Variants in SERPINB9 observed in about 807,000 individuals in gnomAD.
SERPINB9 encodes the protein serpin B9.
A neutral mutation model predicts 27.2 loss-of-function variants in SERPINB9; 20 were observed. The observed-to-expected ratio is 0.74, with a 90% CI of 0.52 to 1.07. The LOEUF (loss-of-function observed/expected upper bound fraction) is 1.07. Ranked by LOEUF, SERPINB9 falls within the 50% of genes least tolerant of loss-of-function variation. The pLI is 0.00. For synonymous variants in SERPINB9, 189 were observed against 180.0 expected, an observed-to-expected ratio of 1.05 and a Z score of -0.40; for missense variants, 476 against 460.1, an observed-to-expected ratio of 1.03 and a Z score of -0.32.
In SERPINB9 at chr6:2,890,347, T is replaced by C; in HGVS notation, c.947A>G (p.His316Arg). The change falls in exon 7 of 7, where the codon CAC (histidine) becomes CGC (arginine). Residue 316 changes from histidine (H) to arginine (R), a missense_variant. Physicochemically the swap from His to Arg is conservative, Grantham distance 29. Coordinates refer to ENST00000380698, the MANE Select transcript of SERPINB9 (RefSeq NM_004155.6). The surrounding 1 kb of genome is among the most constrained non-coding windows in gnomAD (Gnocchi z 6.2). Reference protein sequence around the residue: ...ERDLCLSKFVHKSFVEVNEEG... With the variant: ...ERDLCLSKFVRKSFVEVNEEG... ...TTCATTCACCTCCACAAAACTCTTG[T>C]GCACGAACTTGGACAGACACAGGTC... The C allele has an allele frequency of 1.2e-6, 2 of 1,614,214 alleles. No individual in the cohort carries two copies. The highest frequency in any genetic ancestry group is 8.5e-7 in the Non-Finnish European group (1 of 1,180,028).
rs80206615 is a variant in SERPINB9, at chr6:2,889,840, C to T, written c.*323G>A. 200 of 263,062 alleles carry T rather than the reference C, an allele frequency of 7.6e-4. 1 individual carries two copies. The highest frequency in any genetic ancestry group is 2.9e-3 in the East Asian group (40 of 13,948). 16.3% of individuals were successfully genotyped at this position (263,062 alleles called of 1,614,324 possible). ...GAGGCAGCGGGTTAAGGAATGTATTCGCAGTGTCAGGAAAGCACAGGGTCG... is the reference window on the plus strand; with the variant it reads ...GAGGCAGCGGGTTAAGGAATGTATTTGCAGTGTCAGGAAAGCACAGGGTCG... On this transcript the variant is annotated 3_prime_UTR_variant, in exon 7 of 7. Transcript: ENST00000380698.
chr6:2,895,556 G>C (rs1389049449), intron 3 of SERPINB9, 48 bp from the exon 4 acceptor site: 4 of 1,207,284 alleles, frequency 3.3e-6, no homozygotes, highest in Non-Finnish European at 4.8e-6. Flanking sequence ...AAATACAAAT[G>C]TCAGCAAACT....
chr6:2,902,633 C>T (rs1394483432), intron 1 of SERPINB9, among the ~76,000 whole-genome samples: 2 of 152,176 alleles, frequency 1.3e-5, no homozygotes, highest in African/African-American at 2.4e-5. Context: ...GATTTTCCTG[C>T]CTCAGCACAT....
Position 2,891,956 on chromosome 6 carries a change from C to T in SERPINB9, c.600G>A (p.Gln200=). The change falls in exon 6 of 7, where the codon CAG becomes CAA. Residue 200 remains glutamine, a synonymous_variant. Transcript: ENST00000380698. The surrounding 1 kb of genome is among the most constrained non-coding windows in gnomAD (Gnocchi z 4.0). The part of the protein sequence containing the change: ...EEQRPVQMMY[Q]EATFKLAHVG... ...CGTGGGCGAGCTTAAACGTGGCCTC[C>T]TGATACATCATCTGCACTGGCCTTT... The T allele has an allele frequency of 6.2e-7, 1 of 1,613,700 alleles. No homozygotes were observed. Among genetic ancestry groups the T allele is most frequent in the Non-Finnish European group, 8.5e-7 (1 of 1,179,938 alleles).
Position 2,891,860 on chromosome 6 carries a change from C to T in SERPINB9, c.696G>A (p.Leu232=). The change falls in exon 6 of 7, where the codon CTG becomes CTA. Residue 232 remains leucine, a synonymous_variant. Transcript: ENST00000380698. The surrounding 1 kb of genome is among the most constrained non-coding windows in gnomAD (Gnocchi z 4.0). The part of the protein sequence containing the change: ...ARKELSLLVL[L]PDDGVELSTV... ...TGCTGAGCTCCACGCCGTCGTCAGG[C>T]AGCAGCACCAGCAGGCTCAGCTCCT... 3 of 1,609,416 alleles carry T rather than the reference C, an allele frequency of 1.9e-6. No homozygotes were observed. The highest frequency in any genetic ancestry group is 2.5e-6 in the Non-Finnish European group (3 of 1,179,388).
At chr6:2,898,240 C>A (rs1016473925) in intron 2 of SERPINB9, among the ~76,000 whole-genome samples, 3 of 151,958 alleles carry the variant, frequency 2.0e-5, no homozygotes, top group African/African-American at 7.2e-5. Context: ...TTCTATTTCT[C>A]ATGCAATACA....
Position 2,891,949 on chromosome 6 carries a change from T to C in SERPINB9, c.607A>G (p.Thr203Ala). 1.2e-6 allele frequency: 2 copies of C among 1,613,456 alleles called. No homozygotes were observed. The highest frequency in any genetic ancestry group is 1.7e-6 in the Non-Finnish European group (2 of 1,179,888). Residue 203 changes from threonine (T) to alanine (A), a missense_variant, in exon 6 of 7, where the codon ACG becomes GCG. Coordinates refer to ENST00000380698, the MANE Select transcript of SERPINB9 (RefSeq NM_004155.6). This position sits in a 1 kb window ranked among gnomAD's most constrained non-coding sequence, Gnocchi z 4.0. ...TCGCCCACGTGGGCGAGCTTAAACG[T>C]GGCCTCCTGATACATCATCTGCACT... is the stretch of plus-strand genomic sequence containing the variant. ...RPVQMMYQEATFKLAHVGEVR... is the reference protein window; with the variant it reads ...RPVQMMYQEAAFKLAHVGEVR...
Position 2,891,780 on chromosome 6 carries a change from C to A in SERPINB9, c.723+53G>T. On this transcript the variant is annotated intron_variant, in intron 6 of 6. Coordinates refer to ENST00000380698, the MANE Select transcript of SERPINB9 (RefSeq NM_004155.6). The surrounding 1 kb of genome is among the most constrained non-coding windows in gnomAD (Gnocchi z 4.0). ...GAATATGAGAGGTGGAAGTGGCACT[C>A]GAGTTCTGCCCGCAAAGGTGTCCCT... is the stretch of plus-strand genomic sequence containing the variant. The A allele has an allele frequency of 6.5e-7, 1 of 1,534,612 alleles. No individual in the cohort carries two copies. The highest frequency in any genetic ancestry group is 8.7e-7 in the Non-Finnish European group (1 of 1,148,898).
Position 2,894,658 on chromosome 6 carries a change from C to T in SERPINB9, c.424+733G>A, listed in dbSNP as rs371725710. Among the ~76,000 whole-genome samples, 8 of 152,328 alleles carry T rather than the reference C, an allele frequency of 5.3e-5. No homozygotes were observed. Among genetic ancestry groups the T allele is most frequent in the African/African-American group, 1.9e-4 (8 of 41,566 alleles). On this transcript the variant is annotated intron_variant, in intron 4 of 6. Transcript: ENST00000380698. The surrounding 1 kb of genome is among the most constrained non-coding windows in gnomAD (Gnocchi z 4.7). ...TCCACCAATCTCCTTCTCGCAGAGA[C>T]AATGGAGTCACCTGACATGTGAATG...
chr6:2,899,348 A>T (rs1768113597), intron 2 of SERPINB9, among the ~76,000 whole-genome samples: 1 of 152,126 alleles, frequency 6.6e-6, no homozygotes, highest in South Asian at 2.1e-4. Context: ...ATCACAAAGG[A>T]CTCTAAAAAC....
intron 1 of SERPINB9, among the ~76,000 whole-genome samples, chr6:2,900,877 T>TCG (rs1172163632): frequency 1.1e-4 from 3 of 28,214 alleles, no homozygotes; most frequent in African/African-American, 3.6e-4. Context: ...CCTGCAGAGC[T>TCG]CGCTCTCTCA....
intron 5 of SERPINB9, among the ~76,000 whole-genome samples, chr6:2,892,502 C>T (rs186900969): frequency 3.4e-4 from 51 of 152,184 alleles, no homozygotes; most frequent in Non-Finnish European, 6.6e-4. Context: ...TGTATTTTAA[C>T]CCAATCTTTT....
chr6:2,891,837 C>A lies in SERPINB9; in HGVS notation c.719G>T (p.Ser240Ile), dbSNP rs1412406461. 1 of 1,602,660 alleles carries A rather than the reference C, an allele frequency of 6.2e-7. No individual in the cohort carries two copies. The change falls in exon 6 of 7, where the codon AGC becomes ATC. Residue 240 changes from serine to isoleucine, a missense_variant. Ser to Ile is a moderately radical substitution (Grantham distance 142, BLOSUM62 -2). Transcript: ENST00000380698. This position sits in a 1 kb window ranked among gnomAD's most constrained non-coding sequence, Gnocchi z 4.0. Reference sequence around the variant, plus strand: ...TTCCCGCAGCCCGGGTCTTACCGTGCTGAGCTCCACGCCGTCGTCAGGCAG... The same window carrying A: ...TTCCCGCAGCCCGGGTCTTACCGTGATGAGCTCCACGCCGTCGTCAGGCAG... ...VLLPDDGVEL[S>I]TVEKSLTFEK...
At chr6:2,896,296 G>A (rs895608808) in intron 2 of SERPINB9, 106 bp from the exon 3 acceptor site, 5 of 953,570 alleles carry the variant, frequency 5.2e-6, no homozygotes, top group Non-Finnish European at 6.4e-6. Flanking sequence ...TAGCCATTCT[G>A]CCTGAATGGA....
Position 2,894,371 on chromosome 6 carries a change from A to T in SERPINB9, c.425-818T>A, listed in dbSNP as rs1767922744. Among the ~76,000 whole-genome samples the T allele has an allele frequency of 6.6e-6, 1 of 152,198 alleles. No homozygotes were observed. The highest frequency in any genetic ancestry group is 1.5e-5 in the Non-Finnish European group (1 of 68,030). On this transcript the variant is annotated intron_variant, in intron 4 of 6. Coordinates refer to ENST00000380698, the MANE Select transcript of SERPINB9 (RefSeq NM_004155.6). This position sits in a 1 kb window ranked among gnomAD's most constrained non-coding sequence, Gnocchi z 4.7. ...ACCATCATTGGTCTTGGAGGCCTAG[A>T]CTGGAACACGTCACTTTCTGAAATG...
At chr6:2,895,036 C>T (rs773237096) in intron 4 of SERPINB9, among the ~76,000 whole-genome samples, 5 of 152,060 alleles carry the variant, frequency 3.3e-5, no homozygotes, top group East Asian at 3.9e-4. Flanking sequence ...GGATTACAGG[C>T]GAGAGCCACC....
chr6:2,896,153 G>A lies in SERPINB9; in HGVS notation c.206C>T (p.Ala69Val). The change falls in exon 3 of 7, where the codon GCT (alanine) becomes GTT (valine). Residue 69 changes from alanine to valine, a missense_variant. Physicochemically the swap from Ala to Val is moderately conservative, Grantham distance 64. Transcript: ENST00000380698. Reference sequence around the variant, plus strand: ...CACTTCAGTGAGAAGCGACTGGAAAGCCCGATGAATGTCTTCCTCTGTGTT... The same window carrying A: ...CACTTCAGTGAGAAGCGACTGGAAAACCCGATGAATGTCTTCCTCTGTGTT... ...SLNTEEDIHR[A>V]FQSLLTEVNK... 5.6e-6 allele frequency: 9 copies of A among 1,614,082 alleles called. No individual in the cohort carries two copies. The highest frequency in any genetic ancestry group is 6.8e-6 in the Non-Finnish European group (8 of 1,179,974).
rs1767659879 is a variant in SERPINB9, at chr6:2,888,192, G to T, written c.*1971C>A. The T allele has an allele frequency of 6.6e-6, 1 of 152,176 alleles. No individual in the cohort carries two copies. The highest frequency in any genetic ancestry group is 2.4e-5 in the African/African-American group (1 of 41,446). The allele number at this position is 152,176 out of a possible 1,614,324, so 9.4% of individuals were successfully genotyped here. ...AGGAAAAGGAAAATAATAAGTGTTGGTGAGGAAGTGGACAGAAATTGGAAT... is the reference window on the plus strand; with the variant it reads ...AGGAAAAGGAAAATAATAAGTGTTGTTGAGGAAGTGGACAGAAATTGGAAT... On this transcript the variant is annotated 3_prime_UTR_variant, in exon 7 of 7. Coordinates refer to ENST00000380698, the MANE Select transcript of SERPINB9 (RefSeq NM_004155.6).
chr6:2,898,539 C>T (rs774440283), intron 2 of SERPINB9, among the ~76,000 whole-genome samples: 10 of 152,168 alleles, frequency 6.6e-5, no homozygotes, highest in Admixed American at 2.0e-4. Flanking sequence ...GAAATAGGGC[C>T]GGGCGCAGTG....
Sources: allele counts gnomAD v4.1 joint callset (sites outside exome capture counted in the v4.1 genomes callset), GRCh38; gene constraint gnomAD v4.1.1; non-coding constraint Gnocchi (gnomAD v3.1); transcripts MANE v1.5; gene names NCBI Gene and HGNC (gene_info 2026-07-23, HGNC 2026-07-21).